Variants in MAN1A2 observed in about 807,000 individuals in gnomAD.
The protein encoded by MAN1A2 is mannosidase alpha class 1A member 2.
Under a neutral mutation model 75.7 loss-of-function variants are expected in MAN1A2, and 26 were observed. The observed-to-expected ratio is 0.34, with a 90% CI of 0.25 to 0.48. The LOEUF (loss-of-function observed/expected upper bound fraction) is 0.48, where lower values mean the gene tolerates loss of function less well. Among genes scored for constraint, MAN1A2 ranks in the 20% least tolerant of loss-of-function variants. The pLI is 0.99. For missense variants in MAN1A2, 562 were observed against 775.5 expected (o/e 0.72, Z 3.27); for synonymous variants, 247 against 264.6 (o/e 0.93, Z 0.65).
intron 12 of MAN1A2, among the ~76,000 whole-genome samples, chr1:117,521,132 T>C (rs1276583933): frequency 6.6e-6 from 1 of 152,008 alleles, no homozygotes; most frequent in Admixed American, 6.6e-5. Context: ...TGAAACTGGA[T>C]CCTCATCTTT....
At chr1:117,504,719 C>T (rs932304880) in intron 12 of MAN1A2, among the ~76,000 whole-genome samples, 1 of 151,464 alleles carries the variant, frequency 6.6e-6, no homozygotes, top group African/African-American at 2.4e-5. Context: ...TCTCTTTAGT[C>T]TCCTTTAATC....
At chr1:117,498,434 G>A (rs1013477090) in intron 10 of MAN1A2, among the ~76,000 whole-genome samples, 8 of 151,728 alleles carry the variant, frequency 5.3e-5, no homozygotes, top group Admixed American at 2.0e-4. Flanking sequence ...ATGAAACAGG[G>A]AACAGCCATT....
chr1:117,516,307 T>C (rs1305583759), intron 12 of MAN1A2, among the ~76,000 whole-genome samples: 8 of 152,060 alleles, frequency 5.3e-5, no homozygotes, highest in Non-Finnish European at 1.0e-4. Context: ...TTGAAGAAAA[T>C]ATAGATGTAT....
chr1:117,496,991 A>G lies in MAN1A2; in HGVS notation c.1504+9A>G. The G allele has an allele frequency of 6.3e-7, 1 of 1,595,382 alleles. No individual in the cohort carries two copies. Among genetic ancestry groups the G allele is most frequent in the Non-Finnish European group, 8.6e-7 (1 of 1,166,554 alleles). ...GTCATATGACAGAACTGGTAAGAAT[A>G]TTAATAAGGCTAATTATATAGTCTA... On this transcript the variant is annotated intron_variant, in intron 10 of 12. Transcript: ENST00000356554.
At chr1:117,428,819 T>C (rs1648476140) in intron 5 of MAN1A2, among the ~76,000 whole-genome samples, 1 of 145,236 alleles carries the variant, frequency 6.9e-6, no homozygotes, top group Non-Finnish European at 1.5e-5. Flanking sequence ...AATTTATTTT[T>C]TTATTGATAA....
At chr1:117,477,015 G>A (rs545052558) in intron 8 of MAN1A2, among the ~76,000 whole-genome samples, 11 of 151,970 alleles carry the variant, frequency 7.2e-5, no homozygotes, top group Non-Finnish European at 1.2e-4. Context: ...CGATTTGTTC[G>A]TGTCCTTTCT....
At chr1:117,370,882 ATTTC>A (rs1336313127) in intron 1 of MAN1A2, among the ~76,000 whole-genome samples, 4 of 152,066 alleles carry the variant, frequency 2.6e-5, no homozygotes, top group African/African-American at 4.8e-5. Flanking sequence ...TTTAGTTAGT[ATTTC>A]TTTATTAATA....
intron 1 of MAN1A2, among the ~76,000 whole-genome samples, chr1:117,401,606 G>A (rs1216738262): frequency 3.3e-5 from 5 of 152,080 alleles, no homozygotes; most frequent in African/African-American, 7.2e-5. Flanking sequence ...AGCTCTTCAT[G>A]ATACAGATTC....
At chr1:117,509,358 T>A (rs781055278) in intron 12 of MAN1A2, among the ~76,000 whole-genome samples, 4 of 151,916 alleles carry the variant, frequency 2.6e-5, no homozygotes, top group Non-Finnish European at 4.4e-5. Context: ...CTGCTTAAGA[T>A]TTAAAAGTTT....
chr1:117,460,065 T>TAA lies in MAN1A2; in HGVS notation c.951-409_951-408dup, dbSNP rs148646990. Reference sequence around the variant, plus strand: ...AATATTATGGAATTCCGTACAACTGTAAAAAAAAAAAAAAAACTGAGAAAG... The same window carrying TAA: ...AATATTATGGAATTCCGTACAACTGTAAAAAAAAAAAAAAAAAACTGAGAAAG... On this transcript the variant is annotated intron_variant, in intron 6 of 12. Coordinates refer to ENST00000356554, the MANE Select transcript of MAN1A2 (RefSeq NM_006699.5). Among the ~76,000 whole-genome samples, 102 of 132,226 alleles carry TAA rather than the reference T, an allele frequency of 7.7e-4. 1 individual carries two copies. The highest frequency in any genetic ancestry group is 2.2e-3 in the South Asian group (9 of 4,118). The allele number at this position is 132,226 out of a possible 152,430, so 86.7% of individuals were successfully genotyped here. A position where few individuals can be genotyped will look rare whatever the true frequency, so the allele number is the denominator to read the frequency against.
intron 9 of MAN1A2, among the ~76,000 whole-genome samples, chr1:117,496,168 A>C (rs1651031746): frequency 6.6e-6 from 1 of 151,974 alleles, no homozygotes; most frequent in African/African-American, 2.4e-5. Context: ...CATGTATAAT[A>C]GTTTCTACTA....
intron 6 of MAN1A2, among the ~76,000 whole-genome samples, chr1:117,456,163 C>T (rs930066852): frequency 4.6e-5 from 7 of 151,964 alleles, no homozygotes; most frequent in East Asian, 3.8e-4. Flanking sequence ...ATGTTTATCA[C>T]GGCGTATTTC....
chr1:117,517,536 A>G (rs1183984325), intron 12 of MAN1A2, among the ~76,000 whole-genome samples: 2 of 152,128 alleles, frequency 1.3e-5, no homozygotes, highest in African/African-American at 4.8e-5. Flanking sequence ...TAGACATTGC[A>G]GAAGTAAAAA....
intron 6 of MAN1A2, among the ~76,000 whole-genome samples, chr1:117,455,764 G>T (rs766193500): frequency 2.0e-5 from 3 of 151,810 alleles, no homozygotes; most frequent in Non-Finnish European, 4.4e-5. Flanking sequence ...AGAGTGATTG[G>T]AAGAGGTAGA....
At chr1:117,457,467 AG>A (rs1649640764) in intron 6 of MAN1A2, among the ~76,000 whole-genome samples, 1 of 152,032 alleles carries the variant, frequency 6.6e-6, no homozygotes, top group Non-Finnish European at 1.5e-5. Context: ...TCTTGTTCTT[AG>A]GGATTTTCTT....
intron 6 of MAN1A2, among the ~76,000 whole-genome samples, chr1:117,458,461 A>C (rs1344715194): frequency 6.8e-6 from 1 of 147,078 alleles, no homozygotes; most frequent in African/African-American, 2.5e-5. Flanking sequence ...AATTGACAGA[A>C]TACAAGTGAA....
intron 5 of MAN1A2, among the ~76,000 whole-genome samples, chr1:117,434,740 GT>G (rs1262676956): frequency 7.0e-6 from 1 of 142,214 alleles, no homozygotes; most frequent in Non-Finnish European, 1.5e-5. Context: ...CCAGTAGTTG[GT>G]TACAGCTGTG....
At chr1:117,508,072 C>T (rs1038841133) in intron 12 of MAN1A2, among the ~76,000 whole-genome samples, 1 of 151,624 alleles carries the variant, frequency 6.6e-6, no homozygotes, top group Non-Finnish European at 1.5e-5. Context: ...TGTCATAAGC[C>T]TCTTATCAAA....
At chr1:117,426,642 G>A (rs1210704942) in intron 5 of MAN1A2, among the ~76,000 whole-genome samples, 2 of 152,120 alleles carry the variant, frequency 1.3e-5, no homozygotes, top group African/African-American at 4.8e-5. Context: ...AATAGCTCGT[G>A]TAATTTATTG....
Sources: gnomAD v4.1 joint callset for allele counts (sites outside exome capture counted in the v4.1 genomes callset) on GRCh38, gnomAD v4.1.1 for gene constraint, MANE v1.5 for transcripts, NCBI Gene and HGNC (gene_info 2026-07-23, HGNC 2026-07-21) for gene names.